BCL9: variants seen among roughly 807,000 people sequenced by gnomAD.
BCL9 encodes BCL9 transcription coactivator.
BCL9 carries 25 observed loss-of-function variants against 88.5 expected under a neutral mutation model. The ratio of observed to expected loss-of-function variants is 0.28; its 90% confidence interval spans 0.21 to 0.39. BCL9 has a LOEUF of 0.39. Ranked by LOEUF, BCL9 falls within the 10% of genes least tolerant of loss-of-function variation. The probability of loss-of-function intolerance (pLI) is 1.00; values close to 1 mark genes in which losing one functional copy is unlikely to be tolerated. For missense variants in BCL9, 1,817 were observed against 1,877.8 expected, an observed-to-expected ratio of 0.97 and a Z score of 0.60; for synonymous variants, 711 against 673.3, an observed-to-expected ratio of 1.06 and a Z score of -0.87.
intron 2 of BCL9, among the ~76,000 whole-genome samples, chr1:147,605,178 A>T (rs1657622068): frequency 6.6e-6 from 1 of 152,226 alleles, no homozygotes; most frequent in Non-Finnish European, 1.5e-5. Context: ...GGTATTTATC[A>T]TACCATCGTT....
Position 147,555,594 on chromosome 1 carries a change from C to T in BCL9, c.-478+13920C>T, listed in dbSNP as rs142565989. ...TTTTATTTTAATTTAAAACATGCCT[C>T]AGGTTTTTGATGTTGGGCCAAGGCC... is the stretch of plus-strand genomic sequence containing the variant. On this transcript the variant is annotated intron_variant, in intron 1 of 9. Coordinates refer to ENST00000234739, the MANE Select transcript of BCL9 (RefSeq NM_004326.4). Among the ~76,000 whole-genome samples the T allele has an allele frequency of 6.6e-5, 10 of 152,324 alleles. No individual in the cohort carries two copies. The East Asian group carries it at 1.9e-3, about 29-fold the overall frequency.
intron 1 of BCL9, among the ~76,000 whole-genome samples, chr1:147,563,296 C>T (rs1473415950): frequency 6.6e-6 from 1 of 152,074 alleles, no homozygotes; most frequent in Non-Finnish European, 1.5e-5. Context: ...AAAAGTAAGC[C>T]CCTAGAGTGT....
chr1:147,601,483 A>G (rs1340570191), intron 1 of BCL9, among the ~76,000 whole-genome samples: 1 of 152,232 alleles, frequency 6.6e-6, no homozygotes, highest in African/African-American at 2.4e-5. Context: ...GGATTTGTGC[A>G]CTGAGCAAAG....
chr1:147,545,243 G>A (rs1654502594), intron 1 of BCL9, among the ~76,000 whole-genome samples: 1 of 152,212 alleles, frequency 6.6e-6, no homozygotes, highest in African/African-American at 2.4e-5. Flanking sequence ...GCTTGCTGTG[G>A]TCTGCATTTG....
At chr1:147,552,959 C>A (rs1440077271) in intron 1 of BCL9, among the ~76,000 whole-genome samples, 8 of 123,192 alleles carry the variant, frequency 6.5e-5, no homozygotes, top group African/African-American at 2.0e-4. Flanking sequence ...TTTTAGTCTG[C>A]AGTTGGGAAT....
intron 1 of BCL9, among the ~76,000 whole-genome samples, chr1:147,603,386 ATGTG>A (rs1657500015): frequency 6.6e-6 from 1 of 152,210 alleles, no homozygotes; most frequent in South Asian, 2.1e-4. Context: ...GAGGCCTTGG[ATGTG>A]TTTCCTGGCT....
chr1:147,599,496 C>CG (rs1355266902), intron 1 of BCL9, among the ~76,000 whole-genome samples: 1 of 132,242 alleles, frequency 7.6e-6, no homozygotes, highest in African/African-American at 4.4e-5. Flanking sequence ...GGCCCCCCGC[C>CG]CCCCTCGGTT....
intron 5 of BCL9, among the ~76,000 whole-genome samples, chr1:147,614,118 G>T (rs1163479064): frequency 6.6e-6 from 1 of 152,134 alleles, no homozygotes; most frequent in Non-Finnish European, 1.5e-5. Context: ...AATAAGAGAA[G>T]TTAGAGGGCT....
intron 1 of BCL9, among the ~76,000 whole-genome samples, chr1:147,576,574 TG>T (rs2101540700): frequency 6.6e-6 from 1 of 152,328 alleles, no homozygotes; most frequent in East Asian, 1.9e-4. Context: ...TAATGAAATA[TG>T]GTACTAATGA....
rs146055055 is a variant in BCL9, at chr1:147,619,701, C to G, written c.1546C>G (p.Pro516Ala). The change falls in exon 8 of 10, where the codon CCT becomes GCT. Residue 516 changes from proline (P) to alanine (A), a missense_variant. By Grantham distance (27) the Pro-to-Ala change is conservative. This residue lies in a region of BCL9 where 1,228 missense variants were observed against 1,191.6 expected (regional missense o/e 1.03). Transcript: ENST00000234739. The surrounding 1 kb of genome is among the most constrained non-coding windows in gnomAD (Gnocchi z 4.1). ...GPRGVVRGPP[P>A]PYQMTPSEGW... ...TCGGGGAGTGGTCCGAGGACCCCCC[C>G]CTCCATACCAGATGACCCCTAGTGA... is the stretch of plus-strand genomic sequence containing the variant. 3.2e-5 allele frequency: 51 copies of G among 1,613,960 alleles called. No individual in the cohort carries two copies. The highest frequency in any genetic ancestry group is 1.5e-4 in the African/African-American group (11 of 74,898).
At position 147,615,794 on chromosome 1, in the gene BCL9, TC is replaced by T; in HGVS notation, c.561-8del. ...GTTCTAGTGTGTGCTGTCTCTTCCA[TC>T]TTTGCAGAGCTGCAGAAGCTGTTTT... is the stretch of plus-strand genomic sequence containing the variant. On this transcript the variant is annotated splice_polypyrimidine_tract_variant and splice_region_variant and intron_variant, in intron 6 of 9. Transcript: ENST00000234739. 6.2e-7 allele frequency: 1 copy of T among 1,611,378 alleles called. No homozygotes were observed. The highest frequency in any genetic ancestry group is 8.5e-7 in the Non-Finnish European group (1 of 1,177,490).
At chr1:147,609,253 T>C (rs1328101529) in intron 3 of BCL9, among the ~76,000 whole-genome samples, 1 of 152,204 alleles carries the variant, frequency 6.6e-6, no homozygotes, top group Non-Finnish European at 1.5e-5. Context: ...CTAATTTTAT[T>C]CTTTGGAACT....
chr1:147,593,405 CCTA>C (rs1172622676), intron 1 of BCL9, among the ~76,000 whole-genome samples: 1 of 152,148 alleles, frequency 6.6e-6, no homozygotes, highest in Non-Finnish European at 1.5e-5. Context: ...CTGGCTGACT[CCTA>C]CGCATTCTTT....
At chr1:147,607,086 T>G (rs1553202089) in intron 3 of BCL9, among the ~76,000 whole-genome samples, 1 of 152,236 alleles carries the variant, frequency 6.6e-6, no homozygotes, top group Non-Finnish European at 1.5e-5. Context: ...GATCATGTGT[T>G]ATTTGTGTTT....
rs1658901913 is a variant in BCL9, at chr1:147,625,567, A to G, written c.*608A>G. 3 of 117,152 alleles carry G rather than the reference A, an allele frequency of 2.6e-5. No individual in the cohort carries two copies. Among genetic ancestry groups the G allele is most frequent in the African/African-American group, 1.1e-4 (3 of 28,046 alleles). 7.3% of individuals were successfully genotyped at this position (117,152 alleles called of 1,614,324 possible). On this transcript the variant is annotated 3_prime_UTR_variant, in exon 10 of 10. Transcript: ENST00000234739. Reference sequence around the variant, plus strand: ...ATTAATGAAAAGCACAAAAAAAGGAACTAAGTTCAGCGAGGGGTGGGGGGA... The same window carrying G: ...ATTAATGAAAAGCACAAAAAAAGGAGCTAAGTTCAGCGAGGGGTGGGGGGA...
At chr1:147,609,795 A>T (rs1351725482) in intron 3 of BCL9, among the ~76,000 whole-genome samples, 9 of 152,230 alleles carry the variant, frequency 5.9e-5, no homozygotes, top group African/African-American at 2.2e-4. Flanking sequence ...GTCACAGAGG[A>T]TCTAACTACA....
intron 1 of BCL9, among the ~76,000 whole-genome samples, chr1:147,571,412 C>T (rs1655880716): frequency 6.6e-6 from 1 of 152,072 alleles, no homozygotes; most frequent in South Asian, 2.1e-4. Flanking sequence ...GTATTTTAGA[C>T]ATAGGCAAGA....
At chr1:147,588,755 A>C (rs1553199575) in intron 1 of BCL9, among the ~76,000 whole-genome samples, 1 of 152,192 alleles carries the variant, frequency 6.6e-6, no homozygotes. Flanking sequence ...GTCCAGCATC[A>C]TATCCATCTT....
intron 1 of BCL9, among the ~76,000 whole-genome samples, chr1:147,578,793 T>C (rs1335117240): frequency 2.0e-5 from 3 of 152,226 alleles, no homozygotes; most frequent in African/African-American, 7.2e-5. Context: ...GTTCTTGTTA[T>C]TCCTTTTGAA....
Sources: allele counts gnomAD v4.1 joint callset (sites outside exome capture counted in the v4.1 genomes callset), GRCh38; gene constraint gnomAD v4.1.1; regional missense constraint gnomAD v4.1.1; non-coding constraint Gnocchi (gnomAD v3.1); transcripts MANE v1.5; gene names NCBI Gene and HGNC (gene_info 2026-07-23, HGNC 2026-07-21).